Variants in OPTN observed in about 807,000 individuals in gnomAD.
OPTN encodes the protein optineurin.
Under a neutral mutation model 70.4 loss-of-function variants are expected in OPTN, and 54 were observed. That is an observed-to-expected ratio of 0.77 (90% CI 0.62 to 0.96). OPTN has a LOEUF of 0.96. OPTN is among the 40% of genes least tolerant of loss of function. OPTN has a pLI of 0.00. For missense variants in OPTN, 624 were observed against 673.2 expected, an observed-to-expected ratio of 0.93 and a Z score of 0.81; for synonymous variants, 256 against 248.5, an observed-to-expected ratio of 1.03 and a Z score of -0.28.
chr10:13,110,520 T>G (rs767061853), intron 4 of OPTN, 44 bp downstream of exon 4: 16 of 1,569,518 alleles, frequency 1.0e-5, no homozygotes, highest in Non-Finnish European at 1.4e-5. Flanking sequence ...TTTTTTTCCC[T>G]TGACATTTGC....
intron 10 of OPTN, 93 bp downstream of exon 10, chr10:13,125,660 T>TA: frequency 6.6e-7 from 1 of 1,518,326 alleles, no homozygotes. Context: ...GAATAAATTT[T>TA]AAAAAATTTC....
intron 12 of OPTN, among the ~76,000 whole-genome samples, chr10:13,130,052 A>G (rs530074862): frequency 3.9e-5 from 6 of 152,298 alleles, no homozygotes; most frequent in African/African-American, 1.4e-4. Context: ...ATTTTTGCTC[A>G]TTCTAGACAT....
intron 9 of OPTN, among the ~76,000 whole-genome samples, chr10:13,125,204 A>T (rs1564364932): frequency 6.6e-6 from 1 of 152,182 alleles, no homozygotes; most frequent in African/African-American, 2.4e-5. Flanking sequence ...ACTGCATGTG[A>T]GCTTAGATCT....
At chr10:13,128,061 G>T (rs1378765740) in intron 12 of OPTN, among the ~76,000 whole-genome samples, 158 bp downstream of exon 12, 1 of 152,210 alleles carries the variant, frequency 6.6e-6, no homozygotes. Flanking sequence ...TTTGGAAAGT[G>T]CTCAGTGGAT....
At chr10:13,104,418 C>A (rs1226777953) in intron 1 of OPTN, among the ~76,000 whole-genome samples, 1 of 103,920 alleles carries the variant, frequency 9.6e-6, no homozygotes, top group East Asian at 3.0e-4. Context: ...ACCACTACAC[C>A]CAGCTACTTT....
At chr10:13,119,228 G>A (rs1227709901) in intron 7 of OPTN, among the ~76,000 whole-genome samples, 188 bp downstream of exon 7, 1 of 152,150 alleles carries the variant, frequency 6.6e-6, no homozygotes, top group Non-Finnish European at 1.5e-5. Context: ...AGCACTCACT[G>A]TCTGCTCCTC....
intron 4 of OPTN, among the ~76,000 whole-genome samples, chr10:13,111,282 T>G (rs1338000453): frequency 6.6e-6 from 1 of 152,232 alleles, no homozygotes; most frequent in African/African-American, 2.4e-5. Flanking sequence ...ATTATTTCTA[T>G]GATATCAGAT....
intron 9 of OPTN, 27 bp from the exon 10 acceptor site, chr10:13,125,391 T>A (rs754716904): frequency 1.2e-6 from 2 of 1,613,634 alleles, no homozygotes; most frequent in Non-Finnish European, 1.7e-6. Flanking sequence ...GCATTGTTTA[T>A]CCTCATGAAA....
Position 13,132,182 on chromosome 10 carries a change from T to G in OPTN, c.1517T>G (p.Phe506Cys). 1.9e-6 allele frequency: 3 copies of G among 1,612,926 alleles called. No individual in the cohort carries two copies. The highest frequency in any genetic ancestry group is 2.5e-6 in the Non-Finnish European group (3 of 1,179,178). ...LAVLLKENDA[F>C]EDGGRQSLME... ...GTTCTGCTGAAAGAGAATGATGCTT[T>G]CGAAGACGGAGGCAGGTAAGGAAAA... The change falls in exon 13 of 15, where the codon TTC becomes TGC. Residue 506 changes from phenylalanine (F) to cysteine (C), a missense_variant. Phe to Cys is a radical substitution (Grantham distance 205). Coordinates refer to ENST00000378747, the MANE Select transcript of OPTN (RefSeq NM_001008212.2).
At chr10:13,112,969 A>T (rs1345113293) in intron 5 of OPTN, among the ~76,000 whole-genome samples, 1 of 152,114 alleles carries the variant, frequency 6.6e-6, no homozygotes, top group Non-Finnish European at 1.5e-5. Flanking sequence ...CTAGGTCTCA[A>T]AGCTGTATTC....
At chr10:13,104,942 G>A (rs111455240) in intron 1 of OPTN, 13 of 271,018 alleles carry the variant, frequency 4.8e-5, no homozygotes, top group African/African-American at 1.4e-4. Context: ...TGGTAACTAC[G>A]CCGACGTGCG....
intron 5 of OPTN, among the ~76,000 whole-genome samples, chr10:13,113,965 T>G (rs1833066578): frequency 6.6e-6 from 1 of 152,030 alleles, no homozygotes; most frequent in Non-Finnish European, 1.5e-5. Flanking sequence ...CTCAGGAGGC[T>G]GAGGCAGGAG....
chr10:13,111,148 A>G (rs1399043926), intron 4 of OPTN, among the ~76,000 whole-genome samples: 3 of 151,974 alleles, frequency 2.0e-5, no homozygotes, highest in Admixed American at 6.6e-5. Flanking sequence ...GTGTGGGGAG[A>G]ATGGGTGTGG....
intron 3 of OPTN, 163 bp from the exon 4 acceptor site, chr10:13,110,111 G>A: frequency 7.4e-7 from 1 of 1,347,406 alleles, no homozygotes; most frequent in South Asian, 1.4e-5. Context: ...TTTTCTGTAA[G>A]CAAAAACCAC....
Position 13,127,908 on chromosome 10 carries a change from G to A in OPTN, c.1401+5G>A, listed in dbSNP as rs757404149. 2 of 1,614,094 alleles carry A rather than the reference G, an allele frequency of 1.2e-6. No homozygotes were observed. The highest frequency in any genetic ancestry group is 1.1e-5 in the South Asian group (1 of 91,080). ...ATGACCATCCTCAGGGCTCAGGTGAGGCACCTTCCAAAACCCCAGCTGAGC... is the reference window on the plus strand; with the variant it reads ...ATGACCATCCTCAGGGCTCAGGTGAAGCACCTTCCAAAACCCCAGCTGAGC... On this transcript the variant is annotated splice_donor_5th_base_variant and intron_variant, in intron 12 of 14. Transcript: ENST00000378747.
Position 13,136,924 on chromosome 10 carries a change from A to G in OPTN, c.*58A>G, listed in dbSNP as rs1264309689. 7 of 1,608,124 alleles carry G rather than the reference A, an allele frequency of 4.4e-6. No homozygotes were observed. On this transcript the variant is annotated 3_prime_UTR_variant, in exon 15 of 15. Transcript: ENST00000378747. ...TAAATGTCAGATTTTTTCCTCCAAG[A>G]GTTGTGCTTTTGTGTTATTTGTTTT... is the stretch of plus-strand genomic sequence containing the variant.
chr10:13,126,795 A>C (rs1833475703), intron 11 of OPTN, among the ~76,000 whole-genome samples: 1 of 152,184 alleles, frequency 6.6e-6, no homozygotes, highest in South Asian at 2.1e-4. Context: ...TGGGAGGCCA[A>C]GGCTGGAGGA....
chr10:13,118,653 A>C (rs1833273298), intron 6 of OPTN, among the ~76,000 whole-genome samples: 1 of 152,170 alleles, frequency 6.6e-6, no homozygotes, highest in African/African-American at 2.4e-5. Flanking sequence ...GGGTGTGTGC[A>C]TTGTAAGCTG....
intron 6 of OPTN, among the ~76,000 whole-genome samples, chr10:13,117,416 C>CTTT (rs531259062): frequency 9.1e-6 from 1 of 110,244 alleles, no homozygotes; most frequent in East Asian, 2.6e-4. Context: ...AGAGATCCAT[C>CTTT]TTTTTTTTTT....
Sources: allele counts gnomAD v4.1 joint callset (sites outside exome capture counted in the v4.1 genomes callset), GRCh38; gene constraint gnomAD v4.1.1; transcripts MANE v1.5; gene names NCBI Gene and HGNC (gene_info 2026-07-23, HGNC 2026-07-21).